Variants in NRXN3 observed in about 807,000 individuals in gnomAD.
The protein encoded by NRXN3 is neurexin 3.
A neutral mutation model predicts 137.6 loss-of-function variants in NRXN3; 32 were observed. The ratio of observed to expected loss-of-function variants is 0.23; its 90% CI spans 0.18 to 0.31. The LOEUF (loss-of-function observed/expected upper bound fraction) is 0.31. Ranked by LOEUF, NRXN3 falls within the 10% of genes least tolerant of loss-of-function variation. The pLI is 1.00. For synonymous variants in NRXN3, 798 were observed against 784.5 expected, an observed-to-expected ratio of 1.02 and a Z score of -0.29; for missense variants, 1,574 against 2,062.5, an observed-to-expected ratio of 0.76 and a Z score of 4.59.
intron 10 of NRXN3, among the ~76,000 whole-genome samples, chr14:78,865,144 G>A (rs916528035): frequency 6.6e-6 from 1 of 152,018 alleles, no homozygotes; most frequent in Admixed American, 6.6e-5. Flanking sequence ...AATTTGAAAT[G>A]TTGTGAGCTA....
At chr14:78,951,317 A>G (rs1482478374) in intron 10 of NRXN3, among the ~76,000 whole-genome samples, 1 of 152,146 alleles carries the variant, frequency 6.6e-6, no homozygotes, top group Admixed American at 6.5e-5. Flanking sequence ...GTACCATGTC[A>G]TTAGGACTTC....
chr14:79,255,436 C>CAG (rs1409085562), intron 15 of NRXN3, among the ~76,000 whole-genome samples: 1 of 152,174 alleles, frequency 6.6e-6, no homozygotes, highest in Non-Finnish European at 1.5e-5. Context: ...CAACCAGAGC[C>CAG]AGAGATATTG....
intron 19 of NRXN3, among the ~76,000 whole-genome samples, chr14:79,739,047 A>G (rs2154077972): frequency 6.6e-6 from 1 of 152,318 alleles, no homozygotes; most frequent in African/African-American, 2.4e-5. Context: ...GAATATGCAA[A>G]TTGAAGTTTC....
At chr14:78,664,814 G>A (rs1404403775) in intron 6 of NRXN3, among the ~76,000 whole-genome samples, 1 of 152,154 alleles carries the variant, frequency 6.6e-6, no homozygotes, top group Non-Finnish European at 1.5e-5. Flanking sequence ...TATGTAGATT[G>A]CATATTCCCT....
chr14:79,802,165 A>G (rs2099184225), intron 19 of NRXN3, among the ~76,000 whole-genome samples: 1 of 152,126 alleles, frequency 6.6e-6, no homozygotes, highest in African/African-American at 2.4e-5. Flanking sequence ...GAAGTTATGC[A>G]TTGTTTTTTA....
chr14:78,882,242 G>T (rs2099131145), intron 10 of NRXN3, among the ~76,000 whole-genome samples: 3 of 151,756 alleles, frequency 2.0e-5, no homozygotes, highest in Non-Finnish European at 4.4e-5. Context: ...GGAAATGTGG[G>T]GTTGGAGCCC....
At chr14:78,953,754 AT>A (rs11387043) in intron 10 of NRXN3, among the ~76,000 whole-genome samples, 27 of 151,614 alleles carry the variant, frequency 1.8e-4, no homozygotes, top group African/African-American at 5.3e-4. Flanking sequence ...GAATCAAAGG[AT>A]TTTTTTTTGT....
intron 9 of NRXN3, among the ~76,000 whole-genome samples, chr14:78,809,707 G>A (rs1267072983): frequency 6.6e-6 from 1 of 152,108 alleles, no homozygotes; most frequent in Non-Finnish European, 1.5e-5. Context: ...AGCATTTGGG[G>A]CCCAACCTAA....
At chr14:79,126,957 G>C (rs908960656) in intron 15 of NRXN3, among the ~76,000 whole-genome samples, 37 of 152,236 alleles carry the variant, frequency 2.4e-4, no homozygotes, top group African/African-American at 8.4e-4. Context: ...GTGTTTTTTG[G>C]CTGCATAAAT....
At chr14:79,159,379 A>G (rs1159561585) in intron 15 of NRXN3, among the ~76,000 whole-genome samples, 3 of 151,818 alleles carry the variant, frequency 2.0e-5, no homozygotes, top group African/African-American at 7.3e-5. Context: ...AGCTTATCTG[A>G]GCACAGTGGT....
chr14:78,947,076 G>C (rs1285300370), intron 10 of NRXN3, among the ~76,000 whole-genome samples: 1 of 152,176 alleles, frequency 6.6e-6, no homozygotes, highest in Admixed American at 6.5e-5. Context: ...ACAAGAACCA[G>C]AATAGAGTGA....
intron 4 of NRXN3, among the ~76,000 whole-genome samples, chr14:78,427,781 A>G (rs1464353245): frequency 1.3e-5 from 2 of 152,212 alleles, no homozygotes; most frequent in African/African-American, 2.4e-5. Context: ...CCAGGCTAAG[A>G]ACACAGATAT....
Position 78,243,677 on chromosome 14 carries a change from A to G in NRXN3, c.584A>G (p.Gln195Arg), listed in dbSNP as rs1335174862. 6.3e-7 allele frequency: 1 copy of G among 1,598,418 alleles called. No homozygotes were observed. The highest frequency in any genetic ancestry group is 1.7e-5 in the Admixed American group (1 of 60,020). The change falls in exon 2 of 21, where the codon CAG (glutamine) becomes CGG (arginine). Residue 195 changes from glutamine (Q) to arginine (R), a missense_variant. Gln to Arg is a conservative substitution (Grantham distance 43). Around this residue, in one of 5 missense-constraint regions of NRXN3, gnomAD observed 400 missense variants for 527.3 expected, o/e 0.76. Transcript: ENST00000335750. The surrounding 1 kb of genome is among the most constrained non-coding windows in gnomAD (Gnocchi z 4.2). ...EPRLLGSRGV[Q>R]MDAEGPCGER... is the part of the protein sequence containing the mutation. ...CGGCTTCTGGGGAGCCGGGGTGTCC[A>G]GATGGATGCCGAGGGACCCTGTGGT...
Position 79,043,960 on chromosome 14 carries a change from A to G in NRXN3, c.3262+55819A>G, listed in dbSNP as rs367897225. 1.4e-4 allele frequency among the ~76,000 whole-genome samples: 21 copies of G among 152,276 alleles called. No individual in the cohort carries two copies. The South Asian group carries it at 2.1e-3, about 15-fold the overall frequency. On this transcript the variant is annotated intron_variant, in intron 15 of 20. Coordinates refer to ENST00000335750, the MANE Select transcript of NRXN3 (RefSeq NM_001330195.2). The stretch of plus-strand genomic sequence containing the variant: ...GGGGAAACTACCTGTGCACTGAAGG[A>G]TGCTTTGCAGCATCTGAGGATGACC...
At chr14:79,602,147 A>G (rs1395015540) in intron 16 of NRXN3, among the ~76,000 whole-genome samples, 1 of 152,238 alleles carries the variant, frequency 6.6e-6, no homozygotes, top group Non-Finnish European at 1.5e-5. Context: ...GAGAAAGATA[A>G]GCACAGTTGA....
At chr14:79,749,226 G>A (rs1300517501) in intron 19 of NRXN3, among the ~76,000 whole-genome samples, 1 of 151,978 alleles carries the variant, frequency 6.6e-6, no homozygotes, top group African/African-American at 2.4e-5. Flanking sequence ...TCTGAACAAG[G>A]GTGTACGGAT....
At chr14:79,227,379 C>T (rs189555330) in intron 15 of NRXN3, among the ~76,000 whole-genome samples, 59 of 152,074 alleles carry the variant, frequency 3.9e-4, no homozygotes, top group African/African-American at 1.2e-3. Flanking sequence ...GTACACTTTC[C>T]CTACATGGTG....
intron 5 of NRXN3, among the ~76,000 whole-genome samples, chr14:78,647,900 T>C (rs947975001): frequency 2.0e-5 from 3 of 152,236 alleles, no homozygotes; most frequent in Non-Finnish European, 2.9e-5. Context: ...AAGAGCTCCA[T>C]AAATATTTGA....
intron 2 of NRXN3, among the ~76,000 whole-genome samples, chr14:78,267,376 C>T (rs1344740592): frequency 1.3e-5 from 2 of 151,976 alleles, no homozygotes; most frequent in South Asian, 4.2e-4. Flanking sequence ...GCCCATGGGC[C>T]CATATGGTGA....
Sources: allele counts gnomAD v4.1 joint callset (sites outside exome capture counted in the v4.1 genomes callset), GRCh38; gene constraint gnomAD v4.1.1; regional missense constraint gnomAD v4.1.1; non-coding constraint Gnocchi (gnomAD v3.1); transcripts MANE v1.5; gene names NCBI Gene and HGNC (gene_info 2026-07-23, HGNC 2026-07-21).